Variants in POLL observed in about 807,000 individuals in gnomAD.
The protein encoded by POLL is DNA polymerase beta-2.
POLL carries 44 observed loss-of-function variants against 58.1 expected under a neutral mutation model. That is an observed-to-expected ratio of 0.76 (90% CI 0.60 to 0.97). POLL has a LOEUF of 0.97. POLL is among the 50% of genes least tolerant of loss of function. The pLI, the probability that POLL is intolerant of heterozygous loss-of-function variation, is 0.00. For synonymous variants in POLL, 290 were observed against 283.2 expected, an observed-to-expected ratio of 1.02 and a Z score of -0.24; for missense variants, 632 against 736.8, an observed-to-expected ratio of 0.86 and a Z score of 1.65.
Position 101,588,154 on chromosome 10 carries a change from A to C in POLL, c.-379T>G. ...CAGAGTCGGTCCCCGGGTGGGGTCG[A>C]CTACTGGCCAAGCTAGTCACCCGGG... On this transcript the variant is annotated 5_prime_UTR_variant, in exon 1 of 9. Transcript: ENST00000370162. 1 of 1,519,464 alleles carries C rather than the reference A, an allele frequency of 6.6e-7. No homozygotes were observed. The highest frequency in any genetic ancestry group is 8.8e-7 in the Non-Finnish European group (1 of 1,135,406). The allele number at this position is 1,519,464 out of a possible 1,614,324, so 94.1% of individuals were successfully genotyped here.
rs1267737528 is a variant in POLL at position 101,588,233 on chromosome 10, G to T, written c.-458C>A. 6.4e-7 allele frequency: 1 copy of T among 1,550,446 alleles called. No individual in the cohort carries two copies. The highest frequency in any genetic ancestry group is 2.4e-5 in the East Asian group (1 of 41,270). On this transcript the variant is annotated 5_prime_UTR_variant, in exon 1 of 9. Transcript: ENST00000370162. ...AGAGCCAATGAGAGCGGACGAAGGG[G>T]GGAAGGAGGGCAAATGGCCAGAATA... is the stretch of plus-strand genomic sequence containing the variant.
At chr10:101,584,953 C>T (rs1240236659) in intron 4 of POLL, 34 bp from the exon 5 acceptor site, 2 of 1,310,784 alleles carry the variant, frequency 1.5e-6, no homozygotes, top group Non-Finnish European at 2.0e-6. Context: ...ACAATAAATT[C>T]TTGTTCTCCA....
At chr10:101,587,145 T>G (rs778045288) in intron 2 of POLL, 101 bp downstream of exon 2, 10 of 1,609,108 alleles carry the variant, frequency 6.2e-6, no homozygotes, top group Non-Finnish European at 8.5e-6. Context: ...ACAGGCAGAG[T>G]CAGCTCCAAT....
chr10:101,585,055 T>C, intron 4 of POLL, 136 bp from the exon 5 acceptor site: 1 of 688,052 alleles, frequency 1.5e-6, no homozygotes, highest in Non-Finnish European at 2.2e-6. Flanking sequence ...GCCTTCTGCA[T>C]CAGACTTGGA....
Position 101,585,590 on chromosome 10 carries a change from C to A in POLL, c.411-112G>T, listed in dbSNP as rs56245181. On this transcript the variant is annotated intron_variant, in intron 3 of 8. Coordinates refer to ENST00000370162, the MANE Select transcript of POLL (RefSeq NM_001174084.2). The stretch of plus-strand genomic sequence containing the variant: ...TTCCCAGTGTGTCCAATTAAGAAAA[C>A]GAGTTTTTTGAGGTTTTTGGAGTTT... The A allele has an allele frequency of 1.0e-5, 11 of 1,067,250 alleles. No individual in the cohort carries two copies. In the East Asian group the frequency reaches 2.8e-4, roughly 27 times the overall value. The allele number at this position is 1,067,250 out of a possible 1,614,324, so 66.1% of individuals were successfully genotyped here.
chr10:101,585,536 C>T lies in POLL; in HGVS notation c.411-58G>A, dbSNP rs1005804311. 5.2e-5 allele frequency: 72 copies of T among 1,394,126 alleles called. No homozygotes were observed. In the East Asian group the frequency reaches 1.6e-3, roughly 31 times the overall value. The allele number at this position is 1,394,126 out of a possible 1,614,324, so 86.4% of individuals were successfully genotyped here. A position where few individuals can be genotyped will look rare whatever the true frequency, so the allele number is the denominator to read the frequency against. On this transcript the variant is annotated intron_variant, in intron 3 of 8. Coordinates refer to ENST00000370162, the MANE Select transcript of POLL (RefSeq NM_001174084.2). ...AAAGGTCTCACCCTGTATCTGTCCC[C>T]AGTCCTTCTGTACTCTGAAATACTT...
At position 101,580,255 on chromosome 10, in the gene POLL, C is replaced by T. The variant is rs751276655; in HGVS notation, c.1356G>A (p.Arg452=). ...GIFSRLLDSL[R]QEGFLTDDLV... is the part of the protein sequence containing the mutation. ...CAGAGATGGAGCTTATACCTTCCTGCCGAAGACTGTCAAGGAGGCGGCTGA... is the reference window on the plus strand; with the variant it reads ...CAGAGATGGAGCTTATACCTTCCTGTCGAAGACTGTCAAGGAGGCGGCTGA... The change falls in exon 8 of 9, where the codon CGG becomes CGA. Residue 452 remains arginine, a synonymous_variant. Coordinates refer to ENST00000370162, the MANE Select transcript of POLL (RefSeq NM_001174084.2). This position sits in a 1 kb window ranked among gnomAD's most constrained non-coding sequence, Gnocchi z 4.1. 103 of 1,613,204 alleles carry T rather than the reference C, an allele frequency of 6.4e-5. 1 individual carries two copies. The South Asian group carries it at 1.1e-3, about 17-fold the overall frequency.
At position 101,582,896 on chromosome 10, in the gene POLL, A is replaced by G. The variant is rs745469904; in HGVS notation, c.1066-5T>C. 3.1e-6 allele frequency: 5 copies of G among 1,614,030 alleles called. No individual in the cohort carries two copies. The Admixed American group carries it at 8.3e-5, about 27-fold the overall frequency. On this transcript the variant is annotated splice_region_variant and splice_polypyrimidine_tract_variant and intron_variant, in intron 6 of 8. Coordinates refer to ENST00000370162, the MANE Select transcript of POLL (RefSeq NM_001174084.2). ...GTCTTCCAGACTTCGGAAGCCCTGG[A>G]AAAAAGCAGCCAGATGGGAAGCTGT...
intron 7 of POLL, among the ~76,000 whole-genome samples, chr10:101,582,475 C>G (rs532134266): frequency 6.6e-6 from 1 of 152,252 alleles, no homozygotes; most frequent in African/African-American, 2.4e-5. Context: ...TAACATTAAC[C>G]CAATCCTAAC....
intron 4 of POLL, 58 bp from the exon 5 acceptor site, chr10:101,584,977 T>G: frequency 1.0e-6 from 1 of 975,106 alleles, no homozygotes; most frequent in Admixed American, 4.1e-5. Flanking sequence ...GAAGGGATCC[T>G]TAAAGGTGGG....
At chr10:101,586,240 A>ACG in intron 2 of POLL, 84 bp from the exon 3 acceptor site, 1 of 1,178,518 alleles carries the variant, frequency 8.5e-7, no homozygotes, top group Non-Finnish European at 1.2e-6. Flanking sequence ...AACTTCTAAC[A>ACG]TGATCTGAAT....
chr10:101,583,394 G>A, intron 6 of POLL, 114 bp downstream of exon 6: 2 of 1,140,534 alleles, frequency 1.8e-6, no homozygotes, highest in South Asian at 2.8e-5. Context: ...CTATACTGTG[G>A]GTGCATTCCC....
chr10:101,580,286 C>G lies in POLL; in HGVS notation c.1325G>C (p.Gly442Ala), dbSNP rs149081648. 2.3e-5 allele frequency: 37 copies of G among 1,614,000 alleles called. No homozygotes were observed. The African/African-American group carries it at 3.3e-4, about 15-fold the overall frequency. ...ITHPDGRSHR[G>A]IFSRLLDSLR... Reference sequence around the variant, plus strand: ...ACTGTCAAGGAGGCGGCTGAAGATACCCCGGTGGGACCGGCCATCTGGGTG... The same window carrying G: ...ACTGTCAAGGAGGCGGCTGAAGATAGCCCGGTGGGACCGGCCATCTGGGTG... The change falls in exon 8 of 9, where the codon GGT (glycine) becomes GCT (alanine). Residue 442 changes from glycine to alanine, a missense_variant. Gly to Ala is a moderately conservative substitution (Grantham distance 60). Coordinates refer to ENST00000370162, the MANE Select transcript of POLL (RefSeq NM_001174084.2). This position sits in a 1 kb window ranked among gnomAD's most constrained non-coding sequence, Gnocchi z 4.1.
At position 101,584,739 on chromosome 10, in the gene POLL, G is replaced by C. The variant is rs1327062861; in HGVS notation, c.754C>G (p.His252Asp). The stretch of plus-strand genomic sequence containing the variant: ...AGCTTCTCTGTGATATGGAGGTTGT[G>C]ATTGGTCGCCTTCTGGCTTGAGGGC... ...AQPSSQKATNHNLHITEKLEV... is the reference protein window; with the variant it reads ...AQPSSQKATNDNLHITEKLEV... The change falls in exon 5 of 9, where the codon CAC becomes GAC. Residue 252 changes from histidine (H) to aspartate (D), a missense_variant. By Grantham distance (81) the His-to-Asp change is moderately conservative. Transcript: ENST00000370162. 1.2e-6 allele frequency: 2 copies of C among 1,614,094 alleles called. No individual in the cohort carries two copies. Among genetic ancestry groups the C allele is most frequent in the Admixed American group, 3.3e-5 (2 of 60,020 alleles).
chr10:101,585,004 CG>C (rs2063224404), intron 4 of POLL, 85 bp from the exon 5 acceptor site: 4 of 886,268 alleles, frequency 4.5e-6, no homozygotes, highest in South Asian at 3.3e-5. Context: ...CTTCTTTGTG[CG>C]GGGGGAGGGT....
In POLL at chr10:101,582,818, T is replaced by C; in HGVS notation, c.1139A>G (p.Tyr380Cys). ...GGGCATACGTTCCAGGAAGTCACTGTAATGCTTCAGGCCGATGGCCTGCTG... is the reference window on the plus strand; with the variant it reads ...GGGCATACGTTCCAGGAAGTCACTGCAATGCTTCAGGCCGATGGCCTGCTG... ...TTQQAIGLKH[Y>C]SDFLERMPRE... The change falls in exon 7 of 9, where the codon TAC becomes TGC. Residue 380 changes from tyrosine to cysteine, a missense_variant. Physicochemically the swap from Tyr to Cys is radical, Grantham distance 194 (BLOSUM62 -2). Transcript: ENST00000370162. 2 of 1,614,200 alleles carry C rather than the reference T, an allele frequency of 1.2e-6. No homozygotes were observed. The highest frequency in any genetic ancestry group is 1.7e-6 in the Non-Finnish European group (2 of 1,180,012).
Position 101,580,302 on chromosome 10 carries a change from C to T in POLL, c.1309G>A (p.Gly437Ser), listed in dbSNP as rs771505198. ...CTGAAGATACCCCGGTGGGACCGGC[C>T]ATCTGGGTGAGTGATGAGCACGTCG... ...DVDVLITHPD[G>S]RSHRGIFSRL... Residue 437 changes from glycine (G) to serine (S), a missense_variant, in exon 8 of 9, where the codon GGC (glycine) becomes AGC (serine). Gly to Ser is a moderately conservative substitution (Grantham distance 56). Transcript: ENST00000370162. The surrounding 1 kb of genome is among the most constrained non-coding windows in gnomAD (Gnocchi z 4.1). The T allele has an allele frequency of 7.4e-6, 12 of 1,614,042 alleles. No homozygotes were observed. The Admixed American group carries it at 1.8e-4, about 25-fold the overall frequency.
At chr10:101,583,292 T>C (rs1589677000) in intron 6 of POLL, 2 of 601,754 alleles carry the variant, frequency 3.3e-6, no homozygotes, top group East Asian at 5.5e-5. Context: ...TTCTTGTCCC[T>C]GTCTACTCCT....
Position 101,579,860 on chromosome 10 carries a change from C to T in POLL, c.1364-43G>A, listed in dbSNP as rs1445728521. The T allele has an allele frequency of 1.3e-6, 2 of 1,574,628 alleles. No homozygotes were observed. Among genetic ancestry groups the T allele is most frequent in the East Asian group, 2.2e-5 (1 of 44,598 alleles). On this transcript the variant is annotated intron_variant, in intron 8 of 8. Transcript: ENST00000370162. The surrounding 1 kb of genome is among the most constrained non-coding windows in gnomAD (Gnocchi z 4.4). ...ACTGCTGGGAGGGCAGGGAACCAGG[C>T]CTGGGCTGTCCCATCCTCCCAGGTC...
Sources: allele counts gnomAD v4.1 joint callset (sites outside exome capture counted in the v4.1 genomes callset), GRCh38; gene constraint gnomAD v4.1.1; non-coding constraint Gnocchi (gnomAD v3.1); transcripts MANE v1.5; gene names NCBI Gene and HGNC (gene_info 2026-07-23, HGNC 2026-07-21).